Variants in UBA3 observed in about 807,000 individuals in gnomAD.
The protein encoded by UBA3 is NEDD8-activating enzyme E1 catalytic subunit.
Under a neutral mutation model 73.5 loss-of-function variants are expected in UBA3, and 26 were observed. That is an observed-to-expected ratio of 0.35 (90% CI 0.26 to 0.49). The LOEUF (loss-of-function observed/expected upper bound fraction) is 0.49, where lower values mean the gene tolerates loss of function less well. UBA3 is among the 20% of genes least tolerant of loss of function. The probability of loss-of-function intolerance (pLI) is 0.98; values close to 1 mark genes in which losing one functional copy is unlikely to be tolerated. For missense variants in UBA3, 495 were observed against 555.6 expected, an observed-to-expected ratio of 0.89 and a Z score of 1.10; for synonymous variants, 217 against 191.2, an observed-to-expected ratio of 1.13 and a Z score of -1.11.
intron 9 of UBA3, 76 bp downstream of exon 9, chr3:69,062,906 T>C: frequency 6.5e-7 from 1 of 1,530,340 alleles, no homozygotes. Flanking sequence ...ATCCTAAATA[T>C]TAACTAGACT....
chr3:69,069,774 C>G (rs1394292171), intron 5 of UBA3, among the ~76,000 whole-genome samples: 1 of 152,196 alleles, frequency 6.6e-6, no homozygotes, highest in South Asian at 2.1e-4. Context: ...AATGGCTCCA[C>G]ACACAGAAAG....
intron 6 of UBA3, among the ~76,000 whole-genome samples, chr3:69,067,043 T>C (rs1032631960): frequency 6.6e-6 from 1 of 152,206 alleles, no homozygotes; most frequent in Admixed American, 6.5e-5. Flanking sequence ...CTTTTTCAGA[T>C]TTGTAGTAGG....
Position 69,068,009 on chromosome 3 carries a change from C to CCTG in UBA3, c.348-2_348-1insCAG. On this transcript the variant is annotated splice_acceptor_variant, in intron 5 of 17. Coordinates refer to ENST00000361055, the MANE Select transcript of UBA3 (RefSeq NM_003968.4). LOFTEE classifies it high-confidence loss of function. Reference sequence around the variant, plus strand: ...CTTAGGTCTTCCAATATCTTTAGGCCTACAGGAAAAATATTTAAATTATAA... The same window carrying CCTG: ...CTTAGGTCTTCCAATATCTTTAGGCCCTGTACAGGAAAAATATTTAAATTATAA... 1 of 1,551,426 alleles carries CCTG rather than the reference C, an allele frequency of 6.4e-7. No individual in the cohort carries two copies. The highest frequency in any genetic ancestry group is 8.7e-7 in the Non-Finnish European group (1 of 1,147,090).
intron 5 of UBA3, 99 bp downstream of exon 5, chr3:69,071,436 C>T (rs1010172171): frequency 6.1e-6 from 4 of 655,168 alleles, no homozygotes; most frequent in Non-Finnish European, 1.0e-5. Context: ...TTAGTATTAT[C>T]CTCTCAAGTC....
chr3:69,079,209 G>A (rs1295298229), intron 2 of UBA3, among the ~76,000 whole-genome samples: 1 of 152,172 alleles, frequency 6.6e-6, no homozygotes, highest in Non-Finnish European at 1.5e-5. Flanking sequence ...TGAGGATATA[G>A]ATAATCACAC....
intron 9 of UBA3, 124 bp downstream of exon 9, chr3:69,062,858 T>C: frequency 8.5e-7 from 1 of 1,174,434 alleles, no homozygotes; most frequent in South Asian, 1.7e-5. Flanking sequence ...TCTTTCTTCT[T>C]AGTGTAATTT....
Position 69,056,058 on chromosome 3 carries a change from AT to A in UBA3, c.1189del (p.Met397Ter). ...DYLTNSASLQ[M>X]KSPAITATLE... is the part of the protein sequence containing the mutation. ...GGTGGCTGTGATGGCTGGAGATTTC[AT>A]TTGCCTAAAGATTATGATGAGAGAG... On this transcript the variant is annotated frameshift_variant, in exon 16 of 18. Transcript: ENST00000361055. LOFTEE classifies it high-confidence loss of function. The A allele has an allele frequency of 6.2e-7, 1 of 1,603,020 alleles. No individual in the cohort carries two copies. The highest frequency in any genetic ancestry group is 8.5e-7 in the Non-Finnish European group (1 of 1,176,896).
At chr3:69,071,489 T>G (rs759724612) in intron 5 of UBA3, 46 bp downstream of exon 5, 2 of 1,017,710 alleles carry the variant, frequency 2.0e-6, no homozygotes, top group Non-Finnish European at 2.9e-6. Context: ...GTTCAAATGA[T>G]TATCAGAGCT....
chr3:69,056,322 C>G, intron 14 of UBA3, 39 bp from the exon 15 acceptor site: 1 of 1,395,938 alleles, frequency 7.2e-7, no homozygotes, highest in African/African-American at 1.5e-5. Flanking sequence ...GCAGCACATG[C>G]ACCAATATTA....
At chr3:69,060,598 T>C (rs1049355336) in intron 11 of UBA3, among the ~76,000 whole-genome samples, 1 of 152,200 alleles carries the variant, frequency 6.6e-6, no homozygotes, top group Admixed American at 6.5e-5. Flanking sequence ...AGCTGGAATA[T>C]GGTTACAGAA....
intron 2 of UBA3, among the ~76,000 whole-genome samples, chr3:69,079,547 A>C (rs962907721): frequency 6.6e-6 from 1 of 152,248 alleles, no homozygotes; most frequent in African/African-American, 2.4e-5. Flanking sequence ...TAAGCATCTG[A>C]TAAGAAATAG....
At chr3:69,062,251 C>G in intron 9 of UBA3, 72 bp from the exon 10 acceptor site, 3 of 989,526 alleles carry the variant, frequency 3.0e-6, no homozygotes, top group East Asian at 2.4e-5. Flanking sequence ...CAGTTATGAT[C>G]TAGTTCTTAA....
chr3:69,071,327 T>C, intron 5 of UBA3: 1 of 429,684 alleles, frequency 2.3e-6, no homozygotes. Context: ...AACAAAAACA[T>C]GTATTTGTTT....
chr3:69,056,997 A>G (rs2091979394), intron 12 of UBA3, among the ~76,000 whole-genome samples, 182 bp from the exon 13 acceptor site: 1 of 152,236 alleles, frequency 6.6e-6, no homozygotes, highest in South Asian at 2.1e-4. Flanking sequence ...GTAATAGAGT[A>G]ACACTACATG....
At chr3:69,063,183 T>C in intron 8 of UBA3, 46 bp from the exon 9 acceptor site, 2 of 1,603,674 alleles carry the variant, frequency 1.2e-6, no homozygotes, top group Non-Finnish European at 1.7e-6. Context: ...GGGATAAGAA[T>C]TCAAAAGAAG....
intron 2 of UBA3, among the ~76,000 whole-genome samples, chr3:69,079,480 G>T (rs2092198980): frequency 6.6e-6 from 1 of 152,200 alleles, no homozygotes; most frequent in African/African-American, 2.4e-5. Flanking sequence ...AGTAAATTAT[G>T]TGGCGCTGGC....
intron 9 of UBA3, among the ~76,000 whole-genome samples, chr3:69,062,395 A>C (rs1227289194): frequency 6.6e-6 from 1 of 152,216 alleles, no homozygotes; most frequent in Middle Eastern, 3.2e-3. Context: ...CTACATTTAC[A>C]AGGTATAAAA....
intron 8 of UBA3, 111 bp from the exon 9 acceptor site, chr3:69,063,248 T>A: frequency 7.2e-7 from 1 of 1,388,390 alleles, no homozygotes; most frequent in East Asian, 2.4e-5. Context: ...TACCAATGTA[T>A]CAAATCAAGG....
At chr3:69,064,309 A>C (rs1030260407) in intron 6 of UBA3, among the ~76,000 whole-genome samples, 198 bp from the exon 7 acceptor site, 6 of 152,044 alleles carry the variant, frequency 3.9e-5, no homozygotes, top group African/African-American at 1.4e-4. Context: ...TCCTCCCCTA[A>C]CTACTTACTT....
Sources: gnomAD v4.1 joint callset for allele counts (sites outside exome capture counted in the v4.1 genomes callset) on GRCh38, gnomAD v4.1.1 for gene constraint, MANE v1.5 for transcripts, NCBI Gene and HGNC (gene_info 2026-07-23, HGNC 2026-07-21) for gene names.